Variants in FGFR2 observed in about 807,000 individuals in gnomAD.
FGFR2 encodes the protein BEK fibroblast growth factor receptor.
Under a neutral mutation model 95.9 loss-of-function variants are expected in FGFR2, and 19 were observed. The ratio of observed to expected loss-of-function variants is 0.20; its 90% CI spans 0.14 to 0.29. The LOEUF (loss-of-function observed/expected upper bound fraction) is 0.29. Among genes scored for constraint, FGFR2 ranks in the 10% least tolerant of loss-of-function variants. FGFR2 has a pLI of 1.00. For missense variants in FGFR2, 707 were observed against 1,056.9 expected (o/e 0.67, Z 4.59); for synonymous variants, 392 against 393.3 (o/e 1.00, Z 0.04).
chr10:121,575,448 G>A (rs972403725), intron 2 of FGFR2, among the ~76,000 whole-genome samples: 2 of 152,190 alleles, frequency 1.3e-5, no homozygotes, highest in Non-Finnish European at 2.9e-5. Flanking sequence ...GTGTATTAAA[G>A]TCATATTTCA....
intron 2 of FGFR2, among the ~76,000 whole-genome samples, chr10:121,582,133 T>C (rs753668324): frequency 1.5e-4 from 23 of 152,184 alleles, no homozygotes; most frequent in Non-Finnish European, 2.5e-4. Context: ...CGTTTCACCA[T>C]GTTGGCCAGG....
At position 121,524,099 on chromosome 10, in the gene FGFR2, TATACACACACACACACACACACAC is replaced by T. The variant is rs1406671580; in HGVS notation, c.749-3954_749-3931del. On this transcript the variant is annotated intron_variant, in intron 6 of 17. Coordinates refer to ENST00000358487, the MANE Select transcript of FGFR2 (RefSeq NM_000141.5). ...TTATTCCAATGCTATCCCGGCTATGTATACACACACACACACACACACACACACACACACACACACACACACACC... is the reference window on the plus strand; with the variant it reads ...TTATTCCAATGCTATCCCGGCTATGTACACACACACACACACACACACACC... Among the ~76,000 whole-genome samples the T allele has an allele frequency of 1.0e-4, 14 of 137,288 alleles. No homozygotes were observed. In the South Asian group the frequency reaches 2.5e-3, roughly 25 times the overall value. 90.1% of individuals were successfully genotyped at this position (137,288 alleles called of 152,430 possible). A position where few individuals can be genotyped will look rare whatever the true frequency, so the allele number is the denominator to read the frequency against.
At chr10:121,528,611 A>G (rs1851691365) in intron 6 of FGFR2, among the ~76,000 whole-genome samples, 1 of 151,494 alleles carries the variant, frequency 6.6e-6, no homozygotes, top group Admixed American at 6.5e-5. Context: ...CCATCTGAGC[A>G]AACAAGAAAT....
rs1298145387 is a variant in FGFR2 at position 121,531,795 on chromosome 10, A to T, written c.748+6797T>A. 1.3e-5 allele frequency among the ~76,000 whole-genome samples: 2 copies of T among 152,158 alleles called. No homozygotes were observed. Among genetic ancestry groups the T allele is most frequent in the African/African-American group, 4.8e-5 (2 of 41,444 alleles). ...TTCCACCTGAACCTCCAGAGAGGGC[A>T]TCTGGCACAGAGTAGAGACCCTTAG... On this transcript the variant is annotated intron_variant, in intron 6 of 17. Coordinates refer to ENST00000358487, the MANE Select transcript of FGFR2 (RefSeq NM_000141.5). This position sits in a 1 kb window ranked among gnomAD's most constrained non-coding sequence, Gnocchi z 4.5.
Position 121,565,176 on chromosome 10 carries a change from CA to C in FGFR2, c.376+261del, listed in dbSNP as rs71865754. On this transcript the variant is annotated intron_variant, in intron 3 of 17. Coordinates refer to ENST00000358487, the MANE Select transcript of FGFR2 (RefSeq NM_000141.5). ...CTAAATGCCAGAGATGTCAGTGGTA[CA>C]AAAAAAAAAAAAAAAAAGCATGTAT... Among the ~76,000 whole-genome samples the C allele has an allele frequency of 9.7e-3, 951 of 97,966 alleles. 3 individuals carry two copies. The highest frequency in any genetic ancestry group is 0.021 in the South Asian group (62 of 2,896). 64.3% of individuals were successfully genotyped at this position (97,966 alleles called of 152,430 possible).
intron 6 of FGFR2, among the ~76,000 whole-genome samples, chr10:121,521,986 A>G (rs879839308): frequency 6.6e-6 from 1 of 152,222 alleles, no homozygotes; most frequent in Admixed American, 6.5e-5. Flanking sequence ...AAATGGTGCA[A>G]TATGTGACAA....
rs1201058531 is a variant in FGFR2 at position 121,531,738 on chromosome 10, G to C, written c.748+6854C>G. On this transcript the variant is annotated intron_variant, in intron 6 of 17. Coordinates refer to ENST00000358487, the MANE Select transcript of FGFR2 (RefSeq NM_000141.5). This position sits in a 1 kb window ranked among gnomAD's most constrained non-coding sequence, Gnocchi z 4.5. Reference sequence around the variant, plus strand: ...TAAGGCCATAGAGTTAGCAAGGGTGGAAACAGAACTTGACACCCCTCTCCA... The same window carrying C: ...TAAGGCCATAGAGTTAGCAAGGGTGCAAACAGAACTTGACACCCCTCTCCA... Among the ~76,000 whole-genome samples the C allele has an allele frequency of 6.6e-6, 1 of 152,102 alleles. No individual in the cohort carries two copies. Among genetic ancestry groups the C allele is most frequent in the East Asian group, 1.9e-4 (1 of 5,190 alleles).
intron 9 of FGFR2, among the ~76,000 whole-genome samples, chr10:121,512,431 G>A (rs562467095): frequency 9.9e-4 from 151 of 152,268 alleles, no homozygotes; most frequent in Non-Finnish European, 1.7e-3. Flanking sequence ...AATTAATCTC[G>A]CAGAGATGTA....
At position 121,485,163 on chromosome 10, in the gene FGFR2, C is replaced by T. The variant is rs3135807; in HGVS notation, c.2195+232G>A. The stretch of plus-strand genomic sequence containing the variant: ...GCCCTCAGCCAGGCAGCCAGACACC[C>T]TCTGATCCAAAGCCCTCTCCATACT... On this transcript the variant is annotated intron_variant, in intron 16 of 17. Transcript: ENST00000358487. The surrounding 1 kb of genome is among the most constrained non-coding windows in gnomAD (Gnocchi z 4.2). 0.036 allele frequency among the ~76,000 whole-genome samples: 5,533 copies of T among 152,166 alleles called. 155 individuals carry two copies. The highest frequency in any genetic ancestry group is 0.068 in the African/African-American group (2,840 of 41,490).
chr10:121,577,784 C>T (rs1401441340), intron 2 of FGFR2, among the ~76,000 whole-genome samples: 1 of 152,088 alleles, frequency 6.6e-6, no homozygotes, highest in Non-Finnish European at 1.5e-5. Context: ...CATATTTCCA[C>T]CTGCCCGGGG....
At chr10:121,501,696 A>T (rs1414487145) in intron 10 of FGFR2, among the ~76,000 whole-genome samples, 1 of 152,224 alleles carries the variant, frequency 6.6e-6, no homozygotes, top group Non-Finnish European at 1.5e-5. Context: ...AGCATAACAC[A>T]GCAAAGCATG....
intron 2 of FGFR2, among the ~76,000 whole-genome samples, chr10:121,586,924 C>G (rs1239143346): frequency 1.3e-5 from 2 of 152,132 alleles, no homozygotes; most frequent in African/African-American, 4.8e-5. Context: ...AGAACTTAGC[C>G]TCTGAATAGC....
intron 9 of FGFR2, among the ~76,000 whole-genome samples, chr10:121,509,184 T>G (rs915763994): frequency 6.6e-6 from 1 of 152,228 alleles, no homozygotes; most frequent in South Asian, 2.1e-4. Context: ...TTTTAACATA[T>G]TCTCTTGTTA....
intron 6 of FGFR2, chr10:121,537,881 C>T (rs1589903489): frequency 6.2e-6 from 1 of 162,272 alleles, no homozygotes; most frequent in East Asian, 1.8e-4. Context: ...ACAGAAACCT[C>T]CTTTCTTCAT....
Position 121,518,494 on chromosome 10 carries a change from G to A in FGFR2, c.940-1031C>T, listed in dbSNP as rs552883586. On this transcript the variant is annotated intron_variant, in intron 7 of 17. Coordinates refer to ENST00000358487, the MANE Select transcript of FGFR2 (RefSeq NM_000141.5). This position sits in a 1 kb window ranked among gnomAD's most constrained non-coding sequence, Gnocchi z 4.0. ...AGAAATTGGAGCAAGCACTTTGAAC[G>A]TTGTGGGCATTTTTCCATGGCTACT... Among the ~76,000 whole-genome samples, 49 of 152,278 alleles carry A rather than the reference G, an allele frequency of 3.2e-4. No individual in the cohort carries two copies. The highest frequency in any genetic ancestry group is 1.1e-3 in the African/African-American group (44 of 41,570).
intron 2 of FGFR2, among the ~76,000 whole-genome samples, chr10:121,567,107 G>A (rs1857783558): frequency 6.6e-6 from 1 of 152,136 alleles, no homozygotes; most frequent in African/African-American, 2.4e-5. Flanking sequence ...AAAGGCAACT[G>A]TTTTGCCTAG....
chr10:121,524,146 A>ACACACACACACACCCCCCC (rs142755962), intron 6 of FGFR2, among the ~76,000 whole-genome samples: 3 of 136,890 alleles, frequency 2.2e-5, no homozygotes, highest in Non-Finnish European at 4.6e-5. Context: ...ACACACACAC[A>ACACACACACACACCCCCCC]CCCCAAGTTT....
At chr10:121,505,817 C>G (rs1248576808) in intron 9 of FGFR2, among the ~76,000 whole-genome samples, 1 of 152,198 alleles carries the variant, frequency 6.6e-6, no homozygotes, top group African/African-American at 2.4e-5. Flanking sequence ...ATCTCAAGCT[C>G]CACCTACAGA....
intron 4 of FGFR2, among the ~76,000 whole-genome samples, chr10:121,562,437 A>AC (rs200865579): frequency 0.014 from 2,175 of 152,192 alleles, 60 homozygotes; most frequent in East Asian, 0.071. Context: ...GGCATGCACC[A>AC]CTACACTTGG....
Sources: gnomAD v4.1 joint callset for allele counts (sites outside exome capture counted in the v4.1 genomes callset) on GRCh38, gnomAD v4.1.1 for gene constraint, Gnocchi (gnomAD v3.1) non-coding constraint, MANE v1.5 for transcripts, NCBI Gene and HGNC (gene_info 2026-07-23, HGNC 2026-07-21) for gene names.